Variants in CHCHD6 observed in about 807,000 individuals in gnomAD.
CHCHD6 encodes coiled-coil-helix-coiled-coil-helix domain containing 6.
A neutral mutation model predicts 32.3 loss-of-function variants in CHCHD6; 28 were observed. The ratio of observed to expected loss-of-function variants is 0.87; its 90% CI spans 0.64 to 1.19. CHCHD6 has a LOEUF of 1.19. Among genes scored for constraint, CHCHD6 ranks in the 50% most tolerant of loss-of-function variants. CHCHD6 has a pLI of 0.00. For synonymous variants in CHCHD6, 122 were observed against 117.5 expected, an observed-to-expected ratio of 1.04 and a Z score of -0.25; for missense variants, 333 against 307.0, an observed-to-expected ratio of 1.08 and a Z score of -0.63.
intron 5 of CHCHD6, among the ~76,000 whole-genome samples, chr3:126,881,827 G>A (rs1229558700): frequency 6.6e-6 from 1 of 152,138 alleles, no homozygotes; most frequent in Non-Finnish European, 1.5e-5. Flanking sequence ...AAGAAAGAAC[G>A]AGGTACTGCG....
intron 4 of CHCHD6, among the ~76,000 whole-genome samples, chr3:126,817,356 T>A (rs1021730086): frequency 4.6e-5 from 7 of 151,626 alleles, no homozygotes; most frequent in Non-Finnish European, 7.4e-5. Flanking sequence ...TTTTTTTTTT[T>A]AAATGAAAAG....
intron 4 of CHCHD6, among the ~76,000 whole-genome samples, chr3:126,812,604 G>A (rs1261756780): frequency 6.8e-6 from 1 of 146,802 alleles, no homozygotes; most frequent in South Asian, 2.2e-4. Context: ...TTTTTTTTTT[G>A]TATTTTTAGT....
At chr3:126,896,695 G>C (rs1469175467) in intron 5 of CHCHD6, among the ~76,000 whole-genome samples, 1 of 152,196 alleles carries the variant, frequency 6.6e-6, no homozygotes, top group African/African-American at 2.4e-5. Flanking sequence ...AGATCAGCTG[G>C]AATGAGTTCA....
chr3:126,760,516 C>G (rs922394364), intron 4 of CHCHD6, among the ~76,000 whole-genome samples: 1 of 152,210 alleles, frequency 6.6e-6, no homozygotes, highest in Non-Finnish European at 1.5e-5. Context: ...ATCTTTGGTC[C>G]TGTCAACTAC....
chr3:126,739,254 T>C (rs148888759), intron 4 of CHCHD6, among the ~76,000 whole-genome samples: 3 of 152,358 alleles, frequency 2.0e-5, no homozygotes, highest in Admixed American at 2.0e-4. Context: ...GTCTTTTGAT[T>C]AGATCAGAGG....
chr3:126,735,116 A>G (rs1335987648), intron 4 of CHCHD6, among the ~76,000 whole-genome samples: 2 of 152,116 alleles, frequency 1.3e-5, no homozygotes, highest in African/African-American at 4.8e-5. Context: ...AAGGACCCCT[A>G]TCCTGGAGAT....
chr3:126,769,067 T>C (rs1937490958), intron 4 of CHCHD6, among the ~76,000 whole-genome samples: 1 of 152,224 alleles, frequency 6.6e-6, no homozygotes, highest in Non-Finnish European at 1.5e-5. Flanking sequence ...CAATTTTTGT[T>C]TTTGTTGCAA....
At chr3:126,798,596 G>T (rs1938910757) in intron 4 of CHCHD6, among the ~76,000 whole-genome samples, 1 of 79,150 alleles carries the variant, frequency 1.3e-5, no homozygotes, top group African/African-American at 5.7e-5. Context: ...TACTAGCAGG[G>T]TGCCCCCGCT....
intron 5 of CHCHD6, among the ~76,000 whole-genome samples, chr3:126,868,283 G>A (rs1393741224): frequency 1.3e-5 from 2 of 152,248 alleles, no homozygotes; most frequent in African/African-American, 4.8e-5. Flanking sequence ...GGCTGAGGTG[G>A]ATGGACGTAG....
intron 5 of CHCHD6, among the ~76,000 whole-genome samples, chr3:126,866,598 C>G (rs547862002): frequency 1.3e-5 from 2 of 152,338 alleles, no homozygotes; most frequent in East Asian, 3.9e-4. Flanking sequence ...CAGAGGATGA[C>G]TTATTCACCA....
chr3:126,782,872 G>C lies in CHCHD6; in HGVS notation c.411+49650G>C, dbSNP rs539374348. On this transcript the variant is annotated intron_variant, in intron 4 of 7. Transcript: ENST00000290913. ...ACACATAATCAACAGGCTTTTACCA[G>C]AAGGGGGAATGGATGCTGGGCAGGC... 4.4e-4 allele frequency among the ~76,000 whole-genome samples: 67 copies of C among 152,274 alleles called. No individual in the cohort carries two copies. The South Asian group carries it at 4.8e-3, about 11-fold the overall frequency.
intron 4 of CHCHD6, among the ~76,000 whole-genome samples, chr3:126,754,765 C>A (rs78542837): frequency 6.6e-6 from 1 of 152,206 alleles, no homozygotes; most frequent in African/African-American, 2.4e-5. Context: ...TAGTCCCCAT[C>A]GAATCCACTT....
At chr3:126,842,276 C>T (rs977820000) in intron 4 of CHCHD6, among the ~76,000 whole-genome samples, 6 of 152,170 alleles carry the variant, frequency 3.9e-5, no homozygotes, top group Non-Finnish European at 8.8e-5. Context: ...GGGCCCATCC[C>T]AGATCCAAAG....
intron 5 of CHCHD6, among the ~76,000 whole-genome samples, chr3:126,862,116 C>G (rs1276204269): frequency 1.5e-5 from 1 of 66,270 alleles, no homozygotes; most frequent in Admixed American, 1.4e-4. Flanking sequence ...TCCCCTCTAC[C>G]ACCATCACCA....
chr3:126,788,181 G>GAC (rs1938324916), intron 4 of CHCHD6, among the ~76,000 whole-genome samples: 1 of 152,206 alleles, frequency 6.6e-6, no homozygotes, highest in Non-Finnish European at 1.5e-5. Context: ...AAGCCCACTT[G>GAC]ATCATGGTGG....
chr3:126,771,750 T>C (rs1257401474), intron 4 of CHCHD6, among the ~76,000 whole-genome samples: 2 of 152,224 alleles, frequency 1.3e-5, no homozygotes, highest in Non-Finnish European at 2.9e-5. Flanking sequence ...GGGATCTTTC[T>C]AAGTTTTTGA....
intron 5 of CHCHD6, chr3:126,865,427 A>C: frequency 3.8e-6 from 1 of 261,614 alleles, no homozygotes; most frequent in Non-Finnish European, 5.8e-6. Context: ...CACCACTGCC[A>C]CCTCTACCCT....
chr3:126,879,065 T>G (rs1387505033), intron 5 of CHCHD6, among the ~76,000 whole-genome samples: 2 of 152,230 alleles, frequency 1.3e-5, no homozygotes, highest in Non-Finnish European at 2.9e-5. Flanking sequence ...GGTCTTTTGG[T>G]GTGGCCTCTC....
chr3:126,730,514 G>T (rs756052525), intron 2 of CHCHD6, 47 bp from the exon 3 acceptor site: 2 of 1,546,988 alleles, frequency 1.3e-6, no homozygotes, highest in Admixed American at 3.5e-5. Flanking sequence ...TGACTTCGTG[G>T]ACCCTGGGGT....
Sources: allele counts gnomAD v4.1 joint callset (sites outside exome capture counted in the v4.1 genomes callset), GRCh38; gene constraint gnomAD v4.1.1; transcripts MANE v1.5; gene names NCBI Gene and HGNC (gene_info 2026-07-23, HGNC 2026-07-21).